OPA1: variants seen among roughly 807,000 people sequenced by gnomAD.
OPA1 encodes dynamin-like GTPase OPA1, mitochondrial.
A neutral mutation model predicts 152.9 loss-of-function variants in OPA1; 59 were observed. That is an observed-to-expected ratio of 0.39 (90% CI 0.31 to 0.48). The LOEUF is 0.48. Among genes scored for constraint, OPA1 ranks in the 20% least tolerant of loss-of-function variants. The pLI is 0.96. For missense variants in OPA1, 1,008 were observed against 1,216.8 expected, an observed-to-expected ratio of 0.83 and a Z score of 2.55; for synonymous variants, 400 against 389.9, an observed-to-expected ratio of 1.03 and a Z score of -0.31.
At chr3:193,641,383 T>C (rs376080973) in intron 11 of OPA1, among the ~76,000 whole-genome samples, 2 of 152,148 alleles carry the variant, frequency 1.3e-5, no homozygotes, top group African/African-American at 4.8e-5. Flanking sequence ...CATTTTAACC[T>C]CCTTAGCAGC....
chr3:193,679,939 C>T (rs1453681750), intron 29 of OPA1, among the ~76,000 whole-genome samples: 1 of 152,106 alleles, frequency 6.6e-6, no homozygotes, highest in Non-Finnish European at 1.5e-5. Context: ...GAGCCTGATT[C>T]TCACTCAGTT....
In OPA1 at chr3:193,643,394, G is replaced by A; in HGVS notation, c.1327G>A (p.Gly443Ser). ...GTAGACCATATCCTTAAATGTAAAA[G>A]GCCCTGGACTACAGAGGATGGTGCT... Reference protein sequence around the residue: ...SPETISLNVKGPGLQRMVLVD... With the variant: ...SPETISLNVKSPGLQRMVLVD... Residue 443 changes from glycine (G) to serine (S), a missense_variant, in exon 14 of 31, where the codon GGC becomes AGC. This residue lies in a region of OPA1 where 213 missense variants were observed against 291.4 expected (regional missense o/e 0.73). Transcript: ENST00000361510. 6.2e-7 allele frequency: 1 copy of A among 1,611,012 alleles called. No individual in the cohort carries two copies. Among genetic ancestry groups the A allele is most frequent in the Non-Finnish European group, 8.5e-7 (1 of 1,177,304 alleles).
chr3:193,626,171 A>G lies in OPA1; in HGVS notation c.758A>G (p.Tyr253Cys). The G allele has an allele frequency of 1.9e-6, 3 of 1,614,134 alleles. No individual in the cohort carries two copies. Among genetic ancestry groups the G allele is most frequent in the South Asian group, 1.1e-5 (1 of 91,086 alleles). The change falls in exon 7 of 31, where the codon TAT (tyrosine) becomes TGT (cysteine). Residue 253 changes from tyrosine (Y) to cysteine (C), a missense_variant. Around this residue, in one of 7 missense-constraint regions of OPA1, gnomAD observed 408 missense variants for 395.1 expected, o/e 1.03. Transcript: ENST00000361510. ...EEEARRAAGQ[Y>C]STSYAQQKRK... ...GAAGCGCGCAGAGCCGCTGGCCAAT[A>G]TAGCACGAGCTATGCCCAACAGAAG...
chr3:193,680,377 C>A (rs1437101153), intron 29 of OPA1, among the ~76,000 whole-genome samples: 1 of 152,176 alleles, frequency 6.6e-6, no homozygotes, highest in Non-Finnish European at 1.5e-5. Flanking sequence ...GTCTTTGTAA[C>A]AGCTTGAAGA....
At chr3:193,596,909 A>T (rs991106771) in intron 1 of OPA1, 3 of 152,222 alleles carry the variant, frequency 2.0e-5, no homozygotes, top group African/African-American at 7.2e-5. Context: ...ACACCAAAGA[A>T]GACGTGTGAG....
intron 29 of OPA1, chr3:193,668,879 A>T: frequency 9.5e-7 from 1 of 1,051,560 alleles, no homozygotes. Flanking sequence ...AACTCAAGGA[A>T]ATCAGTGAAA....
intron 1 of OPA1, among the ~76,000 whole-genome samples, chr3:193,607,204 C>G (rs747798271): frequency 1.5e-4 from 23 of 152,170 alleles, no homozygotes; most frequent in Non-Finnish European, 2.8e-4. Flanking sequence ...AATTTTCTCC[C>G]ATTCTGTAGG....
At chr3:193,647,960 C>T (rs113367640) in intron 19 of OPA1, 110 bp from the exon 20 acceptor site, 20,594 of 766,702 alleles carry the variant, frequency 0.027, 361 homozygotes, top group Non-Finnish European at 0.029. Flanking sequence ...GGGTCATAGG[C>T]GCACTCTCAG....
At chr3:193,677,749 A>T (rs1285630025) in intron 29 of OPA1, among the ~76,000 whole-genome samples, 2 of 152,196 alleles carry the variant, frequency 1.3e-5, no homozygotes, top group Non-Finnish European at 2.9e-5. Context: ...ATTCAGAATT[A>T]CTTTGAAATG....
chr3:193,667,235 A>G lies in OPA1; in HGVS notation c.2938A>G (p.Ile980Val), dbSNP rs1716777737. Reference sequence around the variant, plus strand: ...TTTTGCTGAAGATGGTGAGAAGAAGATTAAATTGCTTACTGGTAAACGCGT... The same window carrying G: ...TTTTGCTGAAGATGGTGAGAAGAAGGTTAAATTGCTTACTGGTAAACGCGT... ...EDFAEDGEKK[I>V]KLLTGKRVQL... is the part of the protein sequence containing the mutation. The change falls in exon 29 of 31, where the codon ATT (isoleucine) becomes GTT (valine). Residue 980 changes from isoleucine (I) to valine (V), a missense_variant. This residue lies in a region of OPA1 where 137 missense variants were observed against 171.0 expected (regional missense o/e 0.80). Coordinates refer to ENST00000361510, the MANE Select transcript of OPA1 (RefSeq NM_130837.3). 1 of 1,608,022 alleles carries G rather than the reference A, an allele frequency of 6.2e-7. No individual in the cohort carries two copies. The highest frequency in any genetic ancestry group is 1.3e-5 in the African/African-American group (1 of 74,816).
At chr3:193,635,754 C>T (rs1380884622) in intron 9 of OPA1, among the ~76,000 whole-genome samples, 5 of 152,108 alleles carry the variant, frequency 3.3e-5, no homozygotes, top group South Asian at 2.1e-4. Flanking sequence ...AGAGTTATTT[C>T]GTGTGAATCA....
intron 26 of OPA1, among the ~76,000 whole-genome samples, chr3:193,663,877 CTGTTTGAGTTGAATG>C (rs1715896777): frequency 6.6e-6 from 1 of 151,984 alleles, no homozygotes; most frequent in Non-Finnish European, 1.5e-5. Context: ...ATTACATGAG[CTGTTTGAGTTGAATG>C]TGGATTTAGG....
intron 1 of OPA1, among the ~76,000 whole-genome samples, chr3:193,606,023 GAATCCCTT>G (rs1388154291): frequency 2.0e-5 from 3 of 152,142 alleles, no homozygotes; most frequent in Admixed American, 2.0e-4. Context: ...ATCCACTGGA[GAATCCCTT>G]AGAGCCTCCT....
intron 25 of OPA1, among the ~76,000 whole-genome samples, chr3:193,661,744 T>C (rs952601102): frequency 1.1e-4 from 16 of 152,158 alleles, no homozygotes; most frequent in Non-Finnish European, 1.0e-4. Context: ...TGGCCAAGTG[T>C]GGTGACAGTC....
At chr3:193,594,461 C>G (rs112509765) in intron 1 of OPA1, among the ~76,000 whole-genome samples, 14 of 152,328 alleles carry the variant, frequency 9.2e-5, no homozygotes, top group African/African-American at 3.4e-4. Context: ...TATCTCGGCT[C>G]ACTGCAACCT....
At position 193,657,056 on chromosome 3, in the gene OPA1, T is replaced by G. The variant is rs78911544; in HGVS notation, c.2179-24T>G. 6,161 of 1,596,640 alleles carry G rather than the reference T, an allele frequency of 3.9e-3. 81 individuals are homozygous for G. Among genetic ancestry groups the G allele is most frequent in the South Asian group, 0.023 (2,005 of 87,474 alleles). Reference sequence around the variant, plus strand: ...TTGAAGTATGTAGTAATAATATGGCTTTTTTTCTTTCAAATAATTATAGGT... The same window carrying G: ...TTGAAGTATGTAGTAATAATATGGCGTTTTTTCTTTCAAATAATTATAGGT... On this transcript the variant is annotated intron_variant, in intron 22 of 30. Transcript: ENST00000361510.
At position 193,641,428 on chromosome 3, in the gene OPA1, G is replaced by A. The variant is rs149440203; in HGVS notation, c.1150-1337G>A. Among the ~76,000 whole-genome samples the A allele has an allele frequency of 1.0e-4, 15 of 147,042 alleles. No homozygotes were observed. The East Asian group carries it at 2.6e-3, about 26-fold the overall frequency. On this transcript the variant is annotated intron_variant, in intron 11 of 30. Transcript: ENST00000361510. ...CTTGGTTTCCTAAAATGTGAATGCC[G>A]TGAAAGGAAATTGTGCGCAGGATGT...
chr3:193,663,571 A>G (rs1277338935), intron 26 of OPA1, among the ~76,000 whole-genome samples: 2 of 152,136 alleles, frequency 1.3e-5, no homozygotes, highest in Non-Finnish European at 2.9e-5. Context: ...TACATTCTCT[A>G]CTGCTTAGTT....
intron 7 of OPA1, among the ~76,000 whole-genome samples, chr3:193,628,350 T>C (rs1001696188): frequency 1.3e-5 from 2 of 152,148 alleles, no homozygotes; most frequent in Non-Finnish European, 2.9e-5. Flanking sequence ...TTGCTTCCTA[T>C]GGATATGTTC....
Sources: gnomAD v4.1 joint callset for allele counts (sites outside exome capture counted in the v4.1 genomes callset) on GRCh38, gnomAD v4.1.1 for gene constraint, gnomAD v4.1.1 regional missense constraint, MANE v1.5 for transcripts, NCBI Gene and HGNC (gene_info 2026-07-23, HGNC 2026-07-21) for gene names.